Variants in ATP1B1 observed in about 807,000 individuals in gnomAD.
ATP1B1 encodes the protein ATPase Na+/K+ transporting subunit beta 1, also known as sodium/potassium-transporting ATPase subunit beta-1.
A neutral mutation model predicts 39.6 loss-of-function variants in ATP1B1; 3 were observed. The observed-to-expected ratio is 0.08, with a 90% CI of 0.03 to 0.20. The LOEUF (loss-of-function observed/expected upper bound fraction) is 0.20. Among genes scored for constraint, ATP1B1 ranks in the 10% least tolerant of loss-of-function variants. ATP1B1 has a pLI of 1.00. For missense variants in ATP1B1, 216 were observed against 371.1 expected (o/e 0.58, Z 3.43); for synonymous variants, 139 against 135.0 (o/e 1.03, Z -0.20).
intron 2 of ATP1B1, among the ~76,000 whole-genome samples, chr1:169,116,575 G>A (rs1657851619): frequency 6.6e-6 from 1 of 152,178 alleles, no homozygotes; most frequent in Non-Finnish European, 1.5e-5. Context: ...TAGGGGCCTG[G>A]CGCAGTGGCT....
intron 3 of ATP1B1, 40 bp downstream of exon 3, chr1:169,125,079 T>G (rs759081669): frequency 1.3e-6 from 2 of 1,559,114 alleles, no homozygotes; most frequent in Admixed American, 2.1e-5. Flanking sequence ...CTAGTTTTCT[T>G]TCTCTTTAAC....
At position 169,132,205 on chromosome 1, in the gene ATP1B1, G is replaced by A. The variant is rs1258915198; in HGVS notation, c.*650G>A. The A allele has an allele frequency of 1.5e-6, 1 of 660,144 alleles. No individual in the cohort carries two copies. Among genetic ancestry groups the A allele is most frequent in the South Asian group, 1.6e-5 (1 of 63,974 alleles). 40.9% of individuals were successfully genotyped at this position (660,144 alleles called of 1,614,324 possible). A position where few individuals can be genotyped will look rare whatever the true frequency, so the allele number is the denominator to read the frequency against. On this transcript the variant is annotated 3_prime_UTR_variant, in exon 6 of 6. Transcript: ENST00000367815. ...CCTTTAAATTTTAAGTGACACTACA[G>A]AAAAACACAAAAAGGTGATGGGTTG...
intron 2 of ATP1B1, among the ~76,000 whole-genome samples, chr1:169,117,159 G>A (rs544535270): frequency 2.0e-5 from 3 of 152,260 alleles, no homozygotes; most frequent in South Asian, 2.1e-4. Flanking sequence ...CAGCTGACGC[G>A]ATGTATCTGT....
At chr1:169,130,233 T>G (rs1294533355) in intron 5 of ATP1B1, 143 bp downstream of exon 5, 1 of 709,194 alleles carries the variant, frequency 1.4e-6, no homozygotes, top group Non-Finnish European at 2.3e-6. Context: ...CTCAGTGAGA[T>G]GAATTGTAGC....
rs1001084472 is a variant in ATP1B1 at position 169,108,483 on chromosome 1, TCTC to T, written c.97+1558_97+1560del. On this transcript the variant is annotated intron_variant, in intron 1 of 5. Transcript: ENST00000367815. ...CTCCCCAGGTTAGCTGGGGCTTCCT[TCTC>T]TGGTGGTCTGACCCTGCTGCGTCAC... Among the ~76,000 whole-genome samples the T allele has an allele frequency of 2.0e-4, 30 of 152,172 alleles. No individual in the cohort carries two copies. In the Middle Eastern group the frequency reaches 0.01, roughly 52 times the overall value.
Position 169,132,479 on chromosome 1 carries a change from T to TTTA in ATP1B1, c.*927_*929dup, listed in dbSNP as rs560419871. On this transcript the variant is annotated 3_prime_UTR_variant, in exon 6 of 6. Coordinates refer to ENST00000367815, the MANE Select transcript of ATP1B1 (RefSeq NM_001677.4). ...TTTTATATTTATGCAGTTGTACAAT[T>TTTA]TTATTTTTTTCTGCAAGAAAAAGTG... The TTTA allele has an allele frequency of 4.1e-3, 1,752 of 428,350 alleles. 19 individuals carry two copies. The highest frequency in any genetic ancestry group is 0.016 in the Middle Eastern group (27 of 1,704). 26.5% of individuals were successfully genotyped at this position (428,350 alleles called of 1,614,324 possible).
chr1:169,127,431 G>T, intron 4 of ATP1B1, 23 bp downstream of exon 4: 2 of 1,589,070 alleles, frequency 1.3e-6, no homozygotes, highest in East Asian at 4.5e-5. Flanking sequence ...TTAAATGATA[G>T]AATTTAGATG....
rs1323910336 is a variant in ATP1B1, at chr1:169,131,978, C to A, written c.*423C>A. On this transcript the variant is annotated 3_prime_UTR_variant, in exon 6 of 6. Coordinates refer to ENST00000367815, the MANE Select transcript of ATP1B1 (RefSeq NM_001677.4). The surrounding 1 kb of genome is among the most constrained non-coding windows in gnomAD (Gnocchi z 4.4). ...ACTTTATGTGAGCAAGGTTTGCTGTCCAAGGTGTAAATATTCAACGGGAAT... is the reference window on the plus strand; with the variant it reads ...ACTTTATGTGAGCAAGGTTTGCTGTACAAGGTGTAAATATTCAACGGGAAT... 3.4e-5 allele frequency: 11 copies of A among 325,206 alleles called. No homozygotes were observed. Among genetic ancestry groups the A allele is most frequent in the Non-Finnish European group, 4.0e-5 (7 of 175,152 alleles). The allele number at this position is 325,206 out of a possible 1,614,324, so 20.1% of individuals were successfully genotyped here.
At chr1:169,124,536 G>A (rs1265426780) in intron 2 of ATP1B1, among the ~76,000 whole-genome samples, 1 of 152,208 alleles carries the variant, frequency 6.6e-6, no homozygotes, top group Non-Finnish European at 1.5e-5. Flanking sequence ...AATGGGCTTT[G>A]GAGTACAGCA....
chr1:169,115,688 G>A (rs1288143841), intron 2 of ATP1B1, among the ~76,000 whole-genome samples: 1 of 152,132 alleles, frequency 6.6e-6, no homozygotes, highest in Admixed American at 6.5e-5. Context: ...AGAAGCAGCA[G>A]TTTCTTCTTT....
intron 3 of ATP1B1, among the ~76,000 whole-genome samples, chr1:169,126,511 A>T (rs370937313): frequency 2.0e-5 from 3 of 152,288 alleles, no homozygotes; most frequent in East Asian, 1.9e-4. Flanking sequence ...AACTCAAATC[A>T]AAAAAGCCTG....
chr1:169,117,508 G>A (rs975259790), intron 2 of ATP1B1, among the ~76,000 whole-genome samples: 4 of 152,130 alleles, frequency 2.6e-5, no homozygotes, highest in Non-Finnish European at 5.9e-5. Flanking sequence ...ATTGTATGAT[G>A]AATAAGCAGA....
At chr1:169,119,363 G>A (rs1657923536) in intron 2 of ATP1B1, among the ~76,000 whole-genome samples, 1 of 152,176 alleles carries the variant, frequency 6.6e-6, no homozygotes, top group Non-Finnish European at 1.5e-5. Flanking sequence ...GGTGGTTAAT[G>A]TAAATTCAAG....
intron 2 of ATP1B1, among the ~76,000 whole-genome samples, chr1:169,113,285 C>T (rs182581280): frequency 1.1e-3 from 165 of 152,152 alleles, no homozygotes; most frequent in Admixed American, 3.8e-3. Context: ...AGGCTGGTCT[C>T]GAACTCCTGG....
intron 2 of ATP1B1, 133 bp downstream of exon 2, chr1:169,111,631 C>T: frequency 1.6e-6 from 2 of 1,275,080 alleles, no homozygotes; most frequent in Non-Finnish European, 2.1e-6. Context: ...AAAAGAGAAA[C>T]TTCTCTCGGC....
At chr1:169,121,577 CAT>C (rs1557950256) in intron 2 of ATP1B1, among the ~76,000 whole-genome samples, 1 of 152,158 alleles carries the variant, frequency 6.6e-6, no homozygotes, top group African/African-American at 2.4e-5. Context: ...TCCTCATACT[CAT>C]ATCAAAGTAA....
Position 169,127,240 on chromosome 1 carries a change from G to T in ATP1B1, c.399G>T (p.Pro133=). The change falls in exon 4 of 6, where the codon CCG becomes CCT. Residue 133 remains proline (P), a synonymous_variant. Transcript: ENST00000367815. ...FEDCGDVPSE[P]KERGDFNHER... Reference sequence around the variant, plus strand: ...TATTTTTAGATGTGCCCAGTGAACCGAAAGAACGAGGAGACTTTAATCATG... The same window carrying T: ...TATTTTTAGATGTGCCCAGTGAACCTAAAGAACGAGGAGACTTTAATCATG... 6.3e-7 allele frequency: 1 copy of T among 1,578,950 alleles called. No individual in the cohort carries two copies. Among genetic ancestry groups the T allele is most frequent in the Non-Finnish European group, 8.6e-7 (1 of 1,169,554 alleles).
In ATP1B1 at chr1:169,106,717, C is replaced by T; in HGVS notation, c.-113C>T. ...TCCGAGAGCCGCAGCGGCAGCGGCGCGTCCTGCCTGCAGAGAGCCAGGCCG... is the reference window on the plus strand; with the variant it reads ...TCCGAGAGCCGCAGCGGCAGCGGCGTGTCCTGCCTGCAGAGAGCCAGGCCG... On this transcript the variant is annotated 5_prime_UTR_variant, in exon 1 of 6. Transcript: ENST00000367815. 4.1e-6 allele frequency: 3 copies of T among 737,144 alleles called. No homozygotes were observed. The highest frequency in any genetic ancestry group is 3.8e-5 in the African/African-American group (2 of 52,242). The allele number at this position is 737,144 out of a possible 1,614,324, so 45.7% of individuals were successfully genotyped here.
At chr1:169,115,355 T>C (rs1657820660) in intron 2 of ATP1B1, among the ~76,000 whole-genome samples, 1 of 150,864 alleles carries the variant, frequency 6.6e-6, no homozygotes, top group Non-Finnish European at 1.5e-5. Flanking sequence ...TTTTTTCTTT[T>C]TTTTTTTTTT....
Sources: gnomAD v4.1 joint callset for allele counts (sites outside exome capture counted in the v4.1 genomes callset) on GRCh38, gnomAD v4.1.1 for gene constraint, Gnocchi (gnomAD v3.1) non-coding constraint, MANE v1.5 for transcripts, NCBI Gene and HGNC (gene_info 2026-07-23, HGNC 2026-07-21) for gene names.